The following FBXO15 variants were observed in gnomAD, a reference collection of about 807,000 sequenced individuals.
FBXO15 encodes the protein F-box protein 15, also known as F-box only protein 15.
In FBXO15, 30 loss-of-function variants were observed where a neutral mutation model predicts 49.5. The observed-to-expected ratio is 0.61, with a 90% CI of 0.45 to 0.82. FBXO15 has a LOEUF of 0.82. Ranked by LOEUF, FBXO15 falls within the 40% of genes least tolerant of loss-of-function variation. The pLI is 0.00. For missense variants in FBXO15, 591 were observed against 631.5 expected, an observed-to-expected ratio of 0.94 and a Z score of 0.69; for synonymous variants, 250 against 232.7, an observed-to-expected ratio of 1.07 and a Z score of -0.68.
rs1416095755 is a variant in FBXO15 at position 74,129,747 on chromosome 18, G to T, written c.576-133C>A. 4 of 716,642 alleles carry T rather than the reference G, an allele frequency of 5.6e-6. No homozygotes were observed. In the East Asian group the frequency reaches 1.1e-4, roughly 19 times the overall value. 44.4% of individuals were successfully genotyped at this position (716,642 alleles called of 1,614,324 possible). A position where few individuals can be genotyped will look rare whatever the true frequency, so the allele number is the denominator to read the frequency against. ...AGTCAAAATTCTCAGAATGTGCCCAGTATAATTTTCACTTCAACAATAGTA... is the reference window on the plus strand; with the variant it reads ...AGTCAAAATTCTCAGAATGTGCCCATTATAATTTTCACTTCAACAATAGTA... On this transcript the variant is annotated intron_variant, in intron 4 of 9. Transcript: ENST00000419743.
At chr18:74,123,679 C>T (rs1482523097) in intron 7 of FBXO15, among the ~76,000 whole-genome samples, 169 bp from the exon 8 acceptor site, 1 of 152,142 alleles carries the variant, frequency 6.6e-6, no homozygotes, top group African/African-American at 2.4e-5. Flanking sequence ...TAAAAGACTG[C>T]TCAATGTTAC....
At chr18:74,124,234 G>T (rs1215960211) in intron 7 of FBXO15, among the ~76,000 whole-genome samples, 1 of 152,214 alleles carries the variant, frequency 6.6e-6, no homozygotes, top group Non-Finnish European at 1.5e-5. Flanking sequence ...GCATCTTGAA[G>T]TAATCAAGCT....
In FBXO15 at chr18:74,075,567, C is replaced by T. The variant is rs1912224505; in HGVS notation, c.1264-1837G>A. Among the ~76,000 whole-genome samples, 1 of 152,210 alleles carries T rather than the reference C, an allele frequency of 6.6e-6. No individual in the cohort carries two copies. The highest frequency in any genetic ancestry group is 2.4e-5 in the African/African-American group (1 of 41,458). ...GACAACCCTCTCCAAAGAGCTGTCTCCGCTGGATTTGTCCATTAATACCCA... is the reference window on the plus strand; with the variant it reads ...GACAACCCTCTCCAAAGAGCTGTCTTCGCTGGATTTGTCCATTAATACCCA... On this transcript the variant is annotated intron_variant, in intron 9 of 9. Transcript: ENST00000419743. The surrounding 1 kb of genome is among the most constrained non-coding windows in gnomAD (Gnocchi z 4.1).
At chr18:74,109,557 T>C (rs1018726512) in intron 8 of FBXO15, among the ~76,000 whole-genome samples, 1 of 152,146 alleles carries the variant, frequency 6.6e-6, no homozygotes, top group South Asian at 2.1e-4. Flanking sequence ...CTATTCACAA[T>C]AGCAAAGACT....
At chr18:74,092,264 A>G (rs541951725) in intron 8 of FBXO15, among the ~76,000 whole-genome samples, 1 of 151,898 alleles carries the variant, frequency 6.6e-6, no homozygotes, top group Non-Finnish European at 1.5e-5. Flanking sequence ...TTCATTTTCC[A>G]TCTTCTGTGT....
chr18:74,082,173 G>A, intron 8 of FBXO15, 122 bp from the exon 9 acceptor site: 1 of 855,684 alleles, frequency 1.2e-6, no homozygotes, highest in Non-Finnish European at 1.7e-6. Context: ...CAGCGATGAG[G>A]GCAACATGGG....
chr18:74,112,346 T>A (rs989404033), intron 8 of FBXO15, among the ~76,000 whole-genome samples: 1 of 152,208 alleles, frequency 6.6e-6, no homozygotes, highest in Non-Finnish European at 1.5e-5. Context: ...TGTGATCAAG[T>A]AGAATTTCTC....
chr18:74,147,819 G>C lies in FBXO15; in HGVS notation c.-34C>G, dbSNP rs571531931. On this transcript the variant is annotated 5_prime_UTR_variant, in exon 1 of 10. Coordinates refer to ENST00000419743, the MANE Select transcript of FBXO15 (RefSeq NM_001142958.2). The stretch of plus-strand genomic sequence containing the variant: ...GGAGTTCACCACAGGACCGCGCCAG[G>C]GCTGAAACGAAGAGTGCACGCACCG... 2.0e-6 allele frequency: 3 copies of C among 1,483,342 alleles called. No individual in the cohort carries two copies. Among genetic ancestry groups the C allele is most frequent in the Middle Eastern group, 1.7e-4 (1 of 5,736 alleles). The allele number at this position is 1,483,342 out of a possible 1,614,324, so 91.9% of individuals were successfully genotyped here.
chr18:74,142,592 A>G (rs1979150174), intron 1 of FBXO15, among the ~76,000 whole-genome samples: 2 of 152,164 alleles, frequency 1.3e-5, no homozygotes, highest in Admixed American at 1.3e-4. Flanking sequence ...TTGTGTCAGC[A>G]TAACTCTAAT....
intron 1 of FBXO15, 65 bp from the exon 2 acceptor site, chr18:74,140,377 T>G: frequency 7.2e-7 from 1 of 1,383,194 alleles, no homozygotes; most frequent in Admixed American, 2.4e-5. Flanking sequence ...TCTATTCCCT[T>G]CTACAAAATT....
rs140123867 is a variant in FBXO15, at chr18:74,079,899, G to C, written c.1263+2028C>G. On this transcript the variant is annotated intron_variant, in intron 9 of 9. Transcript: ENST00000419743. ...ACGACACAACTAGGCAGCATCCTCC[G>C]TCATTATCATTAATATTTTCTCACT... Among the ~76,000 whole-genome samples the C allele has an allele frequency of 2.6e-5, 4 of 152,212 alleles. No homozygotes were observed. The East Asian group carries it at 7.7e-4, about 29-fold the overall frequency.
At chr18:74,089,461 A>G (rs1411115490) in intron 8 of FBXO15, among the ~76,000 whole-genome samples, 3 of 152,138 alleles carry the variant, frequency 2.0e-5, no homozygotes, top group Non-Finnish European at 4.4e-5. Context: ...GACTTCCAGT[A>G]CTATGTTGGA....
At chr18:74,096,181 G>C (rs1913265797) in intron 8 of FBXO15, among the ~76,000 whole-genome samples, 1 of 152,126 alleles carries the variant, frequency 6.6e-6, no homozygotes, top group Admixed American at 6.5e-5. Flanking sequence ...GCCTGAGAGA[G>C]AAATATCCTT....
intron 8 of FBXO15, among the ~76,000 whole-genome samples, chr18:74,089,681 G>T (rs1220461359): frequency 1.3e-5 from 2 of 152,110 alleles, no homozygotes; most frequent in Non-Finnish European, 2.9e-5. Flanking sequence ...TAATCATGTG[G>T]TTTTTGTTTT....
At chr18:74,090,487 T>G (rs554349891) in intron 8 of FBXO15, among the ~76,000 whole-genome samples, 1 of 152,318 alleles carries the variant, frequency 6.6e-6, no homozygotes, top group Admixed American at 6.5e-5. Flanking sequence ...TTCCTCCAGT[T>G]GTGATGTTAT....
chr18:74,120,343 AC>A (rs1269285499), intron 8 of FBXO15, among the ~76,000 whole-genome samples: 2 of 152,214 alleles, frequency 1.3e-5, no homozygotes, highest in Admixed American at 6.5e-5. Context: ...ATATTTTCGA[AC>A]ACTCTACTCA....
rs1296929563 is a variant in FBXO15 at position 74,135,854 on chromosome 18, T to A, written c.240A>T (p.Glu80Asp). ...AGTAGGAAAATATCTTCAGCAAGAT[T>A]TCTGAAGGCATTCTGCAAAAACAGA... ...CSGFLDGMPS[E>D]ILLKIFSYLD... is the part of the protein sequence containing the mutation. Residue 80 changes from glutamate (E) to aspartate (D), a missense_variant, in exon 3 of 10, where the codon GAA (glutamate) becomes GAT (aspartate). Transcript: ENST00000419743. 1.2e-6 allele frequency: 2 copies of A among 1,611,190 alleles called. No individual in the cohort carries two copies. The highest frequency in any genetic ancestry group is 2.2e-5 in the South Asian group (2 of 90,278).
At chr18:74,107,225 T>C (rs993476862) in intron 8 of FBXO15, among the ~76,000 whole-genome samples, 5 of 151,218 alleles carry the variant, frequency 3.3e-5, no homozygotes, top group African/African-American at 1.2e-4. Context: ...TTCTGTCATT[T>C]GTAATAATAT....
At position 74,129,413 on chromosome 18, in the gene FBXO15, G is replaced by T; in HGVS notation, c.777C>A (p.Thr259=). Residue 259 remains threonine (T), a synonymous_variant, in exon 5 of 10, where the codon ACC becomes ACA. Transcript: ENST00000419743. ...PVFTDWYKTP[T]KHRLRWHSLI... is the part of the protein sequence containing the mutation. ...TGCTGATTGGTACTTACCTATGTTT[G>T]GTGGGAGTTTTATACCAGTCGGTAA... 1 of 1,613,710 alleles carries T rather than the reference G, an allele frequency of 6.2e-7. No individual in the cohort carries two copies. Among genetic ancestry groups the T allele is most frequent in the South Asian group, 1.1e-5 (1 of 91,044 alleles).
Sources: gnomAD v4.1 joint callset for allele counts (sites outside exome capture counted in the v4.1 genomes callset) on GRCh38, gnomAD v4.1.1 for gene constraint, Gnocchi (gnomAD v3.1) non-coding constraint, MANE v1.5 for transcripts, NCBI Gene and HGNC (gene_info 2026-07-23, HGNC 2026-07-21) for gene names.